Variants in WDR72 observed in about 807,000 individuals in gnomAD.
WDR72 encodes the protein WD repeat domain 72.
WDR72 carries 120 observed loss-of-function variants against 124.2 expected under a neutral mutation model. The ratio of observed to expected loss-of-function variants is 0.97; its 90% CI spans 0.83 to 1.12. The LOEUF (loss-of-function observed/expected upper bound fraction) is 1.12, where lower values mean the gene tolerates loss of function less well. Ranked by LOEUF, WDR72 falls within the 50% of genes most tolerant of loss-of-function variation. The pLI, the probability that WDR72 is intolerant of heterozygous loss-of-function variation, is 0.00. For missense variants in WDR72, 1,387 were observed against 1,278.8 expected (o/e 1.08, Z -1.29); for synonymous variants, 452 against 441.7 (o/e 1.02, Z -0.29).
At chr15:53,604,243 C>A (rs530823898) in intron 17 of WDR72, among the ~76,000 whole-genome samples, 2 of 152,162 alleles carry the variant, frequency 1.3e-5, no homozygotes, top group African/African-American at 4.8e-5. Context: ...GGATTCCTTA[C>A]TTAATAAATG....
chr15:53,654,023 T>C (rs2015332316), intron 14 of WDR72, among the ~76,000 whole-genome samples: 1 of 152,158 alleles, frequency 6.6e-6, no homozygotes, highest in South Asian at 2.1e-4. Flanking sequence ...TACCAGTGGA[T>C]AGTAAAAATC....
Position 53,630,946 on chromosome 15 carries a change from G to GTA in WDR72, c.1963-14705_1963-14704dup, listed in dbSNP as rs1404594980. ...CTATATTTGCAGATTACATAATATT[G>GTA]TATATAGAAAACACTAAGGTATCCA... On this transcript the variant is annotated intron_variant, in intron 14 of 19. Transcript: ENST00000360509. Among the ~76,000 whole-genome samples the GTA allele has an allele frequency of 2.0e-5, 3 of 152,118 alleles. No individual in the cohort carries two copies. In the East Asian group the frequency reaches 5.8e-4, roughly 29 times the overall value.
intron 19 of WDR72, among the ~76,000 whole-genome samples, chr15:53,522,812 T>C (rs543957389): frequency 4.6e-5 from 7 of 152,160 alleles, no homozygotes; most frequent in African/African-American, 7.2e-5. Context: ...GAAAGGTAAA[T>C]AGAATTGTAA....
intron 14 of WDR72, among the ~76,000 whole-genome samples, chr15:53,648,720 T>C (rs947623510): frequency 2.6e-5 from 4 of 151,994 alleles, no homozygotes; most frequent in African/African-American, 7.3e-5. Context: ...CACATACTTA[T>C]TAAATTGAAA....
intron 16 of WDR72, among the ~76,000 whole-genome samples, chr15:53,613,096 C>G (rs1000040373): frequency 6.6e-6 from 1 of 152,036 alleles, no homozygotes; most frequent in African/African-American, 2.4e-5. Flanking sequence ...AAGGATAGAA[C>G]TGTCATTTAT....
At chr15:53,747,277 A>T (rs2018665893) in intron 1 of WDR72, among the ~76,000 whole-genome samples, 1 of 152,196 alleles carries the variant, frequency 6.6e-6, no homozygotes, top group Non-Finnish European at 1.5e-5. Context: ...TATGAGGTCA[A>T]AGAGTGTCCA....
intron 13 of WDR72, among the ~76,000 whole-genome samples, chr15:53,679,463 G>A (rs964386798): frequency 2.0e-5 from 3 of 152,164 alleles, no homozygotes; most frequent in Non-Finnish European, 2.9e-5. Context: ...CAGAAAGCAT[G>A]TAGAAGTAGG....
chr15:53,753,789 A>G (rs777167400), intron 1 of WDR72, among the ~76,000 whole-genome samples: 6 of 152,184 alleles, frequency 3.9e-5, no homozygotes, highest in Non-Finnish European at 7.3e-5. Context: ...ACTGAATGCC[A>G]ACTGTGTTCC....
chr15:53,626,425 G>A (rs1038819997), intron 14 of WDR72, among the ~76,000 whole-genome samples: 1 of 152,180 alleles, frequency 6.6e-6, no homozygotes, highest in African/African-American at 2.4e-5. Flanking sequence ...ACACCCTGCC[G>A]GATCCAAGGG....
chr15:53,607,598 T>C (rs1307722733), intron 17 of WDR72, among the ~76,000 whole-genome samples: 1 of 152,098 alleles, frequency 6.6e-6, no homozygotes, highest in Non-Finnish European at 1.5e-5. Context: ...CTCCAGGACA[T>C]TGGTTTGGGC....
chr15:53,705,408 T>C (rs2017322285), intron 10 of WDR72, among the ~76,000 whole-genome samples, 175 bp from the exon 11 acceptor site: 1 of 152,188 alleles, frequency 6.6e-6, no homozygotes, highest in Non-Finnish European at 1.5e-5. Context: ...ATGAATTATA[T>C]TGGTTATATT....
At chr15:53,754,251 A>G (rs1488039898) in intron 1 of WDR72, among the ~76,000 whole-genome samples, 2 of 152,302 alleles carry the variant, frequency 1.3e-5, no homozygotes, top group East Asian at 3.9e-4. Flanking sequence ...ACTTAATACA[A>G]AAACACTAAA....
rs555208410 is a variant in WDR72, at chr15:53,622,956, G to T, written c.1963-6713C>A. Among the ~76,000 whole-genome samples, 7 of 151,992 alleles carry T rather than the reference G, an allele frequency of 4.6e-5. No homozygotes were observed. The South Asian group carries it at 1.2e-3, about 27-fold the overall frequency. ...AAATTCACAAGATCAATAATCAAAG[G>T]CTAATATTTTAGGCATATAAAGAAC... is the stretch of plus-strand genomic sequence containing the variant. On this transcript the variant is annotated intron_variant, in intron 14 of 19. Coordinates refer to ENST00000360509, the MANE Select transcript of WDR72 (RefSeq NM_182758.4).
chr15:53,730,890 C>T (rs545762779), intron 2 of WDR72, among the ~76,000 whole-genome samples: 270 of 152,124 alleles, frequency 1.8e-3, no homozygotes, highest in African/African-American at 6.3e-3. Context: ...CTGAAAAGTG[C>T]CCTTGATTTT....
At chr15:53,698,171 C>T (rs541337441) in intron 13 of WDR72, among the ~76,000 whole-genome samples, 95 of 152,248 alleles carry the variant, frequency 6.2e-4, no homozygotes, top group Middle Eastern at 3.4e-3. Flanking sequence ...TTTGGCTTTG[C>T]TTTACTTCCC....
At chr15:53,661,793 C>T (rs986758497) in intron 14 of WDR72, among the ~76,000 whole-genome samples, 2 of 152,050 alleles carry the variant, frequency 1.3e-5, no homozygotes, top group African/African-American at 4.8e-5. Flanking sequence ...ATTTCAAATA[C>T]TCAGTAGCTA....
At chr15:53,723,074 C>A (rs1474487589) in intron 2 of WDR72, among the ~76,000 whole-genome samples, 166 bp from the exon 3 acceptor site, 1 of 152,154 alleles carries the variant, frequency 6.6e-6, no homozygotes, top group Non-Finnish European at 1.5e-5. Context: ...GAGTAATAAA[C>A]TTCTAGGTAG....
rs536395629 is a variant in WDR72 at position 53,663,616 on chromosome 15, G to C, written c.1962+1956C>G. Among the ~76,000 whole-genome samples the C allele has an allele frequency of 3.3e-5, 5 of 152,238 alleles. No homozygotes were observed. In the East Asian group the frequency reaches 9.7e-4, roughly 29 times the overall value. On this transcript the variant is annotated intron_variant, in intron 14 of 19. Transcript: ENST00000360509. ...AAATGACACTTGATGAATGAGATTT[G>C]CTCCTGCAGACCCTAGACATCTGAA...
At chr15:53,728,703 G>A (rs1238750701) in intron 2 of WDR72, among the ~76,000 whole-genome samples, 2 of 152,106 alleles carry the variant, frequency 1.3e-5, no homozygotes, top group Non-Finnish European at 2.9e-5. Context: ...CTTTCTCTAT[G>A]CTTTTAAGAA....
Sources: gnomAD v4.1 joint callset for allele counts (sites outside exome capture counted in the v4.1 genomes callset) on GRCh38, gnomAD v4.1.1 for gene constraint, MANE v1.5 for transcripts, NCBI Gene and HGNC (gene_info 2026-07-23, HGNC 2026-07-21) for gene names.